The following EPSTI1 variants were observed in gnomAD, a reference collection of about 807,000 sequenced individuals.
EPSTI1 encodes the protein epithelial stromal interaction 1.
EPSTI1 carries 66 observed loss-of-function variants against 49.9 expected under a neutral mutation model. That is an observed-to-expected ratio of 1.32 (90% CI 1.08 to 1.62). The LOEUF (loss-of-function observed/expected upper bound fraction) is 1.62. Ranked by LOEUF, EPSTI1 falls within the 40% of genes most tolerant of loss-of-function variation. EPSTI1 has a pLI of 0.00. For synonymous variants in EPSTI1, 137 were observed against 130.7 expected (o/e 1.05, Z -0.33); for missense variants, 394 against 365.5 (o/e 1.08, Z -0.64).
At chr13:42,967,537 A>C (rs1594746005) in intron 3 of EPSTI1, among the ~76,000 whole-genome samples, 1 of 152,230 alleles carries the variant, frequency 6.6e-6, no homozygotes, top group South Asian at 2.1e-4. Context: ...CTCATGAAAG[A>C]GAATGCCAAC....
At chr13:42,931,825 A>T (rs539972325) in intron 6 of EPSTI1, among the ~76,000 whole-genome samples, 178 of 152,280 alleles carry the variant, frequency 1.2e-3, no homozygotes, top group Admixed American at 2.5e-3. Flanking sequence ...TAACATTCTT[A>T]TGGATGGATA....
At chr13:42,954,736 T>C (rs893051562) in intron 5 of EPSTI1, among the ~76,000 whole-genome samples, 2 of 152,310 alleles carry the variant, frequency 1.3e-5, no homozygotes, top group East Asian at 3.9e-4. Flanking sequence ...CTATGACCTA[T>C]GAAAAACAAG....
intron 5 of EPSTI1, among the ~76,000 whole-genome samples, chr13:42,958,335 C>T (rs951519650): frequency 1.3e-5 from 2 of 151,876 alleles, no homozygotes; most frequent in Admixed American, 6.6e-5. Context: ...TCAAGAAGTT[C>T]GAACCATAAT....
At chr13:42,920,547 G>C (rs1006298304) in intron 7 of EPSTI1, among the ~76,000 whole-genome samples, 5 of 152,186 alleles carry the variant, frequency 3.3e-5, no homozygotes, top group Admixed American at 2.6e-4. Flanking sequence ...AAGACAGATG[G>C]ATAATAGGCA....
Position 42,951,708 on chromosome 13 carries a change from T to C in EPSTI1, c.563+2240A>G, listed in dbSNP as rs532458579. Reference sequence around the variant, plus strand: ...AAAACTTCAAGAATCTCTTACCCTTTACTTTGCCATATTTAGAACTCTCCA... The same window carrying C: ...AAAACTTCAAGAATCTCTTACCCTTCACTTTGCCATATTTAGAACTCTCCA... On this transcript the variant is annotated intron_variant, in intron 6 of 10. Transcript: ENST00000313624. Among the ~76,000 whole-genome samples the C allele has an allele frequency of 3.9e-5, 6 of 152,372 alleles. No homozygotes were observed. In the South Asian group the frequency reaches 6.2e-4, roughly 16 times the overall value.
intron 1 of EPSTI1, among the ~76,000 whole-genome samples, chr13:42,983,551 G>A (rs12584205): frequency 0.54 from 68,337 of 127,200 alleles, 17,386 homozygotes; most frequent in South Asian, 0.62. Flanking sequence ...GCAACAGAGC[G>A]AGACTCCATC....
intron 1 of EPSTI1, among the ~76,000 whole-genome samples, chr13:42,978,537 T>C (rs1052204247): frequency 6.6e-6 from 1 of 152,236 alleles, no homozygotes; most frequent in Non-Finnish European, 1.5e-5. Flanking sequence ...GTTCCCAGCT[T>C]GACTTTTCCC....
chr13:42,911,232 G>GGAGA (rs1310125287), intron 8 of EPSTI1, among the ~76,000 whole-genome samples: 9 of 142,368 alleles, frequency 6.3e-5, no homozygotes, highest in Admixed American at 1.5e-4. Flanking sequence ...AGAGAGGGAG[G>GGAGA]GAGAGAGAGA....
At chr13:42,893,382 C>G (rs1475198401) in intron 10 of EPSTI1, among the ~76,000 whole-genome samples, 2 of 152,214 alleles carry the variant, frequency 1.3e-5, no homozygotes, top group Non-Finnish European at 2.9e-5. Context: ...GTGCAGATGT[C>G]TGGAGGTCAA....
chr13:42,987,179 C>T (rs1489375688), intron 1 of EPSTI1, among the ~76,000 whole-genome samples: 1 of 152,132 alleles, frequency 6.6e-6, no homozygotes, highest in African/African-American at 2.4e-5. Context: ...AGCCTGGAGA[C>T]TCCATTTGCA....
intron 10 of EPSTI1, among the ~76,000 whole-genome samples, chr13:42,889,526 C>G (rs2036967455): frequency 6.6e-6 from 1 of 152,156 alleles, no homozygotes; most frequent in Non-Finnish European, 1.5e-5. Context: ...TTCCTCCAAG[C>G]CTCTGTGAAT....
At chr13:42,927,056 G>C (rs1056192929) in intron 6 of EPSTI1, among the ~76,000 whole-genome samples, 3 of 151,212 alleles carry the variant, frequency 2.0e-5, no homozygotes, top group African/African-American at 7.3e-5. Flanking sequence ...TTCAGAGAGA[G>C]GATAAACCCT....
intron 9 of EPSTI1, among the ~76,000 whole-genome samples, chr13:42,899,370 A>T (rs1454778084): frequency 2.0e-5 from 3 of 152,156 alleles, no homozygotes; most frequent in Non-Finnish European, 4.4e-5. Flanking sequence ...AAGAGAAAAA[A>T]CATATAATTC....
intron 5 of EPSTI1, among the ~76,000 whole-genome samples, chr13:42,954,909 G>C (rs1209880586): frequency 6.6e-6 from 1 of 152,136 alleles, no homozygotes; most frequent in Non-Finnish European, 1.5e-5. Flanking sequence ...GAGAATATTG[G>C]AAATCATCAC....
chr13:42,982,767 C>T (rs10459373), intron 1 of EPSTI1, among the ~76,000 whole-genome samples: 73,351 of 148,968 alleles, frequency 0.49, 18,431 homozygotes, highest in South Asian at 0.62. Context: ...TGACCTTCTC[C>T]CATCTTTTTC....
chr13:42,938,086 A>G (rs1340999373), intron 6 of EPSTI1, among the ~76,000 whole-genome samples: 1 of 151,982 alleles, frequency 6.6e-6, no homozygotes, highest in Non-Finnish European at 1.5e-5. Flanking sequence ...TGAACTTTTG[A>G]TATTTTTCTT....
intron 6 of EPSTI1, among the ~76,000 whole-genome samples, chr13:42,933,273 A>G (rs1382943463): frequency 6.7e-6 from 1 of 149,506 alleles, no homozygotes; most frequent in African/African-American, 2.5e-5. Context: ...CTATTTTTGT[A>G]TCTTCTCTCT....
intron 1 of EPSTI1, among the ~76,000 whole-genome samples, chr13:42,972,281 G>T (rs2039787317): frequency 1.3e-5 from 2 of 152,168 alleles, no homozygotes; most frequent in African/African-American, 4.8e-5. Flanking sequence ...CACCAGGAGG[G>T]CTTGTCCGCG....
chr13:42,989,153 G>A (rs1033352602), intron 1 of EPSTI1, among the ~76,000 whole-genome samples: 2 of 146,488 alleles, frequency 1.4e-5, no homozygotes, highest in East Asian at 2.1e-4. Flanking sequence ...AAGCCCCTGC[G>A]CCCGACCACA....
Sources: allele counts gnomAD v4.1 joint callset (sites outside exome capture counted in the v4.1 genomes callset), GRCh38; gene constraint gnomAD v4.1.1; transcripts MANE v1.5; gene names NCBI Gene and HGNC (gene_info 2026-07-23, HGNC 2026-07-21).